Variants in SGK3 observed in about 807,000 individuals in gnomAD.
SGK3 encodes serum/glucocorticoid regulated kinase family member 3.
In SGK3, 47 loss-of-function variants were observed where a neutral mutation model predicts 68.5. That is an observed-to-expected ratio of 0.69 (90% CI 0.54 to 0.87). The LOEUF is 0.87. SGK3 is among the 40% of genes least tolerant of loss of function. SGK3 has a pLI of 0.00. For synonymous variants in SGK3, 181 were observed against 189.1 expected (o/e 0.96, Z 0.35); for missense variants, 479 against 575.5 (o/e 0.83, Z 1.72).
rs184543414 is a variant in SGK3, at chr8:66,785,481, G to A, written c.-121-8135G>A. ...AACCTTCAGCCCTGTTGACGTTTTG[G>A]GTCAAATCATTTTTTGTTGTCGGGC... is the stretch of plus-strand genomic sequence containing the variant. On this transcript the variant is annotated intron_variant, in intron 1 of 16. Transcript: ENST00000521198. 2.8e-3 allele frequency among the ~76,000 whole-genome samples: 424 copies of A among 152,152 alleles called. 5 individuals carry two copies. Among genetic ancestry groups the A allele is most frequent in the African/African-American group, 1.0e-2 (413 of 41,502 alleles).
intron 1 of SGK3, among the ~76,000 whole-genome samples, chr8:66,758,011 T>C (rs868530982): frequency 2.2e-5 from 3 of 133,666 alleles, no homozygotes; most frequent in East Asian, 4.3e-4. Context: ...ACACACACAC[T>C]ACACACACAC....
At chr8:66,839,523 A>ATG (rs1809692977) in intron 10 of SGK3, among the ~76,000 whole-genome samples, 1 of 56,970 alleles carries the variant, frequency 1.8e-5, no homozygotes, top group Non-Finnish European at 3.6e-5. Flanking sequence ...ATATATATAT[A>ATG]TATATATATA....
intron 3 of SGK3, among the ~76,000 whole-genome samples, chr8:66,802,626 T>A (rs547061720): frequency 1.3e-5 from 2 of 149,190 alleles, no homozygotes; most frequent in Non-Finnish European, 3.0e-5. Flanking sequence ...AGGTCAGCAC[T>A]GCATTCCAGC....
chr8:66,833,596 C>T (rs1809389345), intron 8 of SGK3, among the ~76,000 whole-genome samples: 1 of 152,204 alleles, frequency 6.6e-6, no homozygotes, highest in Admixed American at 6.5e-5. Context: ...GAATTATCAT[C>T]TTTACAATAT....
intron 1 of SGK3, among the ~76,000 whole-genome samples, chr8:66,778,871 A>G (rs2130516050): frequency 6.6e-6 from 1 of 152,338 alleles, no homozygotes; most frequent in South Asian, 2.1e-4. Flanking sequence ...AACCATCAGG[A>G]GAAGACAACT....
At chr8:66,723,461 A>T (rs1804883529) in intron 1 of SGK3, among the ~76,000 whole-genome samples, 1 of 151,778 alleles carries the variant, frequency 6.6e-6, no homozygotes, top group African/African-American at 2.4e-5. Context: ...AAAAGAAAAA[A>T]GAAAAAAGGT....
At chr8:66,859,037 A>G (rs1049845505) in intron 16 of SGK3, among the ~76,000 whole-genome samples, 4 of 152,178 alleles carry the variant, frequency 2.6e-5, no homozygotes, top group African/African-American at 9.7e-5. Context: ...GAGTTGTAAT[A>G]AAGGACTAAA....
chr8:66,849,687 C>T (rs144814103), intron 15 of SGK3, among the ~76,000 whole-genome samples: 2,602 of 151,342 alleles, frequency 0.017, 62 homozygotes, highest in African/African-American at 0.059. Context: ...CCTCAACTTC[C>T]CAGGTTCAAG....
intron 1 of SGK3, among the ~76,000 whole-genome samples, chr8:66,785,646 A>G (rs1011994869): frequency 6.6e-6 from 1 of 152,150 alleles, no homozygotes; most frequent in Non-Finnish European, 1.5e-5. Context: ...CCCCGATGAG[A>G]ACCACTGTAT....
At position 66,721,486 on chromosome 8, in the gene SGK3, G is replaced by A. The variant is rs554879953; in HGVS notation, c.-122+8653G>A. On this transcript the variant is annotated intron_variant, in intron 1 of 16. Transcript: ENST00000521198. ...AATACATTTAAGAGCAGGCCTTTAAGAAGGAAAAGGAAAGCTTTTAGTTTG... is the reference window on the plus strand; with the variant it reads ...AATACATTTAAGAGCAGGCCTTTAAAAAGGAAAAGGAAAGCTTTTAGTTTG... Among the ~76,000 whole-genome samples, 10 of 152,244 alleles carry A rather than the reference G, an allele frequency of 6.6e-5. No individual in the cohort carries two copies. The East Asian group carries it at 1.7e-3, about 26-fold the overall frequency.
intron 3 of SGK3, among the ~76,000 whole-genome samples, chr8:66,800,693 T>C (rs1296159290): frequency 2.6e-5 from 4 of 152,220 alleles, no homozygotes; most frequent in Non-Finnish European, 5.9e-5. Context: ...TCACTATGTA[T>C]GTATTTGTTC....
intron 1 of SGK3, among the ~76,000 whole-genome samples, chr8:66,786,371 G>A (rs1439971161): frequency 6.6e-6 from 1 of 152,158 alleles, no homozygotes; most frequent in Non-Finnish European, 1.5e-5. Context: ...TCATGCTTCA[G>A]TTTCTCCTCA....
chr8:66,807,567 T>C (rs1808216341), intron 4 of SGK3, among the ~76,000 whole-genome samples: 1 of 152,182 alleles, frequency 6.6e-6, no homozygotes, highest in Non-Finnish European at 1.5e-5. Flanking sequence ...CACAGAGATA[T>C]TAGAAAGTCC....
intron 1 of SGK3, among the ~76,000 whole-genome samples, chr8:66,739,301 C>G (rs1354638499): frequency 6.6e-6 from 1 of 152,164 alleles, no homozygotes; most frequent in East Asian, 1.9e-4. Context: ...TTATAACAAC[C>G]TGCTCTTGTG....
At chr8:66,754,152 G>C (rs778400754) in intron 1 of SGK3, among the ~76,000 whole-genome samples, 2 of 152,166 alleles carry the variant, frequency 1.3e-5, no homozygotes, top group Non-Finnish European at 2.9e-5. Context: ...GTTGTTAAAG[G>C]AAAGGTTGGG....
chr8:66,854,436 G>T (rs1255668909), intron 16 of SGK3, among the ~76,000 whole-genome samples: 1 of 152,146 alleles, frequency 6.6e-6, no homozygotes, highest in Non-Finnish European at 1.5e-5. Flanking sequence ...GGGGGTAGAT[G>T]TGGTATTGAG....
intron 1 of SGK3, among the ~76,000 whole-genome samples, chr8:66,772,307 C>T (rs111674364): frequency 0.12 from 18,446 of 149,792 alleles, 2,103 homozygotes; most frequent in African/African-American, 0.3. Context: ...CGGCTGCTCT[C>T]GAACACCAAG....
At chr8:66,822,607 T>C in intron 6 of SGK3, 148 bp downstream of exon 6, 1 of 577,208 alleles carries the variant, frequency 1.7e-6, no homozygotes, top group Middle Eastern at 4.4e-4. Flanking sequence ...TGCATATACC[T>C]CTTACAGATC....
intron 5 of SGK3, among the ~76,000 whole-genome samples, chr8:66,820,049 C>T (rs1234467609): frequency 1.3e-5 from 2 of 152,094 alleles, no homozygotes; most frequent in Non-Finnish European, 2.9e-5. Context: ...AACTCCTTAC[C>T]TCATGATCCA....
Sources: gnomAD v4.1 joint callset for allele counts (sites outside exome capture counted in the v4.1 genomes callset) on GRCh38, gnomAD v4.1.1 for gene constraint, MANE v1.5 for transcripts, NCBI Gene and HGNC (gene_info 2026-07-23, HGNC 2026-07-21) for gene names.